Variants in APPL2 observed in about 807,000 individuals in gnomAD.
APPL2 encodes the protein DCC-interacting protein 13-beta.
APPL2 carries 84 observed loss-of-function variants against 92.7 expected under a neutral mutation model. The observed-to-expected ratio is 0.91, with a 90% CI of 0.76 to 1.09. APPL2 has a LOEUF of 1.09. Ranked by LOEUF, APPL2 falls within the 50% of genes least tolerant of loss-of-function variation. APPL2 has a pLI of 0.00. For missense variants in APPL2, 736 were observed against 824.5 expected (o/e 0.89, Z 1.31); for synonymous variants, 291 against 291.0 (o/e 1.00, Z 0.00).
At chr12:105,197,553 T>TTGGG (rs1887768753) in intron 11 of APPL2, among the ~76,000 whole-genome samples, 1 of 152,164 alleles carries the variant, frequency 6.6e-6, no homozygotes, top group African/African-American at 2.4e-5. Context: ...AACCCTCACT[T>TTGGG]ATCTCCATAT....
intron 8 of APPL2, among the ~76,000 whole-genome samples, chr12:105,205,752 C>T (rs777072560): frequency 9.8e-5 from 15 of 152,354 alleles, no homozygotes; most frequent in Non-Finnish European, 2.1e-4. Flanking sequence ...AGAGCCCCGG[C>T]ATTCTCTAAT....
At chr12:105,204,444 C>A (rs1390023031) in intron 8 of APPL2, among the ~76,000 whole-genome samples, 1 of 152,116 alleles carries the variant, frequency 6.6e-6, no homozygotes, top group African/African-American at 2.4e-5. Context: ...CATCTATTCC[C>A]CAGATACCCT....
chr12:105,182,194 A>T (rs905927288), intron 17 of APPL2, among the ~76,000 whole-genome samples: 19 of 151,934 alleles, frequency 1.3e-4, no homozygotes, highest in East Asian at 1.9e-4. Flanking sequence ...CACCTAGCAA[A>T]TTTTTTGTAT....
rs1343280229 is a variant in APPL2, at chr12:105,204,019, CCTGT to C, written c.622-238_622-235del. On this transcript the variant is annotated intron_variant, in intron 8 of 20. Coordinates refer to ENST00000258530, the MANE Select transcript of APPL2 (RefSeq NM_018171.5). ...AAGGGATTCCTTACTTCCTGTAACTCCTGTCTAATATTCACTTCCCAGAAAGTCT... is the reference window on the plus strand; with the variant it reads ...AAGGGATTCCTTACTTCCTGTAACTCCTAATATTCACTTCCCAGAAAGTCT... Among the ~76,000 whole-genome samples, 5 of 152,332 alleles carry C rather than the reference CCTGT, an allele frequency of 3.3e-5. No individual in the cohort carries two copies. The East Asian group carries it at 9.7e-4, about 29-fold the overall frequency.
intron 2 of APPL2, among the ~76,000 whole-genome samples, chr12:105,225,990 G>C (rs1890471395): frequency 6.6e-6 from 1 of 152,144 alleles, no homozygotes; most frequent in Admixed American, 6.5e-5. Context: ...ATGAAAAACT[G>C]TATCTTGCGG....
chr12:105,196,058 C>CAAAAAA (rs371863529), intron 11 of APPL2, among the ~76,000 whole-genome samples: 7 of 121,614 alleles, frequency 5.8e-5, no homozygotes, highest in Non-Finnish European at 1.1e-4. Flanking sequence ...CTATCTCAAA[C>CAAAAAA]AAAAAAAAAA....
At chr12:105,219,232 C>G (rs1889919138) in intron 2 of APPL2, among the ~76,000 whole-genome samples, 2 of 152,188 alleles carry the variant, frequency 1.3e-5, no homozygotes, top group African/African-American at 4.8e-5. Flanking sequence ...ACAGTAGAGC[C>G]AAGTCCTACC....
chr12:105,186,891 A>G lies in APPL2; in HGVS notation c.1634+1382T>C, dbSNP rs549121971. Among the ~76,000 whole-genome samples, 3 of 151,976 alleles carry G rather than the reference A, an allele frequency of 2.0e-5. No homozygotes were observed. The South Asian group carries it at 6.2e-4, about 31-fold the overall frequency. On this transcript the variant is annotated intron_variant, in intron 17 of 20. Coordinates refer to ENST00000258530, the MANE Select transcript of APPL2 (RefSeq NM_018171.5). Reference sequence around the variant, plus strand: ...TGGCCATTTGTATATGATCTTTGGAAAAATGTCTATTTCAAGTCCTTGGTC... The same window carrying G: ...TGGCCATTTGTATATGATCTTTGGAGAAATGTCTATTTCAAGTCCTTGGTC...
At chr12:105,224,977 C>G (rs1890384133) in intron 2 of APPL2, among the ~76,000 whole-genome samples, 2 of 152,122 alleles carry the variant, frequency 1.3e-5, no homozygotes, top group African/African-American at 2.4e-5. Flanking sequence ...CCAATTCGGG[C>G]TTCTAGGATC....
intron 5 of APPL2, among the ~76,000 whole-genome samples, chr12:105,209,966 C>CT (rs534907811): frequency 0.05 from 7,323 of 146,342 alleles, 175 homozygotes; most frequent in African/African-American, 0.069. Context: ...AATCTTCACC[C>CT]TTTTTTTTTT....
intron 1 of APPL2, chr12:105,233,254 T>C (rs1042177198): frequency 1.2e-5 from 12 of 985,344 alleles, no homozygotes; most frequent in Non-Finnish European, 1.4e-5. Flanking sequence ...TTATTTATCT[T>C]CACATTCCCA....
chr12:105,227,300 A>G (rs527291835), intron 2 of APPL2, among the ~76,000 whole-genome samples: 52 of 152,262 alleles, frequency 3.4e-4, no homozygotes, highest in African/African-American at 1.2e-3. Context: ...GCTAGTTCTA[A>G]TTAATAAGTT....
chr12:105,221,980 G>A (rs1890135154), intron 2 of APPL2, among the ~76,000 whole-genome samples: 1 of 152,214 alleles, frequency 6.6e-6, no homozygotes, highest in African/African-American at 2.4e-5. Context: ...CTAGAGAGTG[G>A]GGTGGAGGAA....
At chr12:105,200,860 GTATGTATCTATCTATCTATCTATCTATC>G (rs1464935190) in intron 9 of APPL2, among the ~76,000 whole-genome samples, 14 of 112,556 alleles carry the variant, frequency 1.2e-4, no homozygotes, top group Admixed American at 8.8e-4. Context: ...ATGTATGTAT[GTATGTATCTATCTATCTATCTATCTATC>G]TATCTATCTA....
chr12:105,191,216 C>G (rs564428646), intron 14 of APPL2, among the ~76,000 whole-genome samples: 1 of 152,322 alleles, frequency 6.6e-6, no homozygotes, highest in African/African-American at 2.4e-5. Context: ...TTGGAGACCA[C>G]TTGGTCTGAC....
intron 14 of APPL2, among the ~76,000 whole-genome samples, chr12:105,194,144 A>G (rs1887447627): frequency 2.0e-5 from 3 of 152,168 alleles, no homozygotes; most frequent in Non-Finnish European, 1.5e-5. Flanking sequence ...TCTTTCTACC[A>G]TGCCACTAAA....
chr12:105,191,098 G>A (rs1887153688), intron 14 of APPL2, among the ~76,000 whole-genome samples: 2 of 152,202 alleles, frequency 1.3e-5, no homozygotes, highest in South Asian at 2.1e-4. Flanking sequence ...ATAACTGAAT[G>A]TAGTGTATCA....
intron 17 of APPL2, among the ~76,000 whole-genome samples, chr12:105,183,759 A>G (rs982804152): frequency 1.1e-4 from 17 of 152,106 alleles, no homozygotes; most frequent in African/African-American, 3.9e-4. Flanking sequence ...CTCGAGGAGT[A>G]TCTTTGTGGT....
At chr12:105,203,905 G>A (rs1482705800) in intron 8 of APPL2, 120 bp from the exon 9 acceptor site, 31 of 759,858 alleles carry the variant, frequency 4.1e-5, no homozygotes, top group East Asian at 1.3e-4. Context: ...CCTCGCACGC[G>A]GCACTGGCAG....
Sources: gnomAD v4.1 joint callset for allele counts (sites outside exome capture counted in the v4.1 genomes callset) on GRCh38, gnomAD v4.1.1 for gene constraint, MANE v1.5 for transcripts, NCBI Gene and HGNC (gene_info 2026-07-23, HGNC 2026-07-21) for gene names.